The following SMIM13 variants were observed in gnomAD, a reference collection of about 807,000 sequenced individuals.
The protein encoded by SMIM13 is UPF0766 protein C6orf228.
A neutral mutation model predicts 5.9 loss-of-function variants in SMIM13; 3 were observed. That is an observed-to-expected ratio of 0.51 (90% confidence interval 0.23 to 1.31). The LOEUF (loss-of-function observed/expected upper bound fraction) is 1.31, where lower values mean the gene tolerates loss of function less well. SMIM13 is among the 40% of genes most tolerant of loss of function. The pLI is 0.18. For missense variants in SMIM13, 85 were observed against 109.9 expected (o/e 0.77, Z 1.01); for synonymous variants, 55 against 46.0 (o/e 1.19, Z -0.79).
chr6:11,134,298 AT>A, intron 1 of SMIM13, 104 bp from the exon 2 acceptor site: 1 of 703,958 alleles, frequency 1.4e-6, no homozygotes, highest in Non-Finnish European at 2.3e-6. Context: ...AATTATGTAT[AT>A]TTTTATATAG....
At chr6:11,110,656 T>C (rs1758153368) in intron 1 of SMIM13, among the ~76,000 whole-genome samples, 1 of 152,150 alleles carries the variant, frequency 6.6e-6, no homozygotes, top group South Asian at 2.1e-4. Flanking sequence ...GGTAGAACAA[T>C]CCCTCTGCTA....
At chr6:11,097,128 C>T (rs1757935946) in intron 1 of SMIM13, among the ~76,000 whole-genome samples, 1 of 152,186 alleles carries the variant, frequency 6.6e-6, no homozygotes, top group Admixed American at 6.5e-5. Flanking sequence ...ATGAGCCACC[C>T]ATGCCCAGCC....
chr6:11,124,072 G>A (rs898302965), intron 1 of SMIM13, among the ~76,000 whole-genome samples: 4 of 151,976 alleles, frequency 2.6e-5, no homozygotes, highest in Admixed American at 6.6e-5. Context: ...TAATCACCCT[G>A]ATGTGCTGTC....
intron 1 of SMIM13, chr6:11,102,747 T>C (rs1758013775): frequency 1.3e-5 from 2 of 152,192 alleles, no homozygotes; most frequent in South Asian, 4.1e-4. Context: ...ACCTAAATGG[T>C]GGAACTGTTA....
In SMIM13 at chr6:11,133,738, GTT is replaced by G. The variant is rs80159629; in HGVS notation, c.77-653_77-652del. Among the ~76,000 whole-genome samples, 755 of 138,824 alleles carry G rather than the reference GTT, an allele frequency of 5.4e-3. 1 individual carries two copies. Among genetic ancestry groups the G allele is most frequent in the South Asian group, 0.026 (114 of 4,350 alleles). The allele number at this position is 138,824 out of a possible 152,430, so 91.1% of individuals were successfully genotyped here. A position where few individuals can be genotyped will look rare whatever the true frequency, so the allele number is the denominator to read the frequency against. ...ACTACTCCTTGCAAAAACAAAACTT[GTT>G]TTTTTTTTTTTGTTAAAAGAGAATT... On this transcript the variant is annotated intron_variant, in intron 1 of 1. Coordinates refer to ENST00000416247, the MANE Select transcript of SMIM13 (RefSeq NM_001135575.2).
At chr6:11,108,736 G>A (rs1388475729) in intron 1 of SMIM13, among the ~76,000 whole-genome samples, 1 of 152,208 alleles carries the variant, frequency 6.6e-6, no homozygotes, top group African/African-American at 2.4e-5. Flanking sequence ...CTTTGCAGAT[G>A]TCAGGCATAG....
intron 1 of SMIM13, chr6:11,103,408 T>C: frequency 2.8e-6 from 1 of 352,802 alleles, no homozygotes; most frequent in Non-Finnish European, 5.1e-6. Context: ...GAGGGGGCCC[T>C]CCCCTGCCCT....
At chr6:11,130,450 A>G (rs982386902) in intron 1 of SMIM13, among the ~76,000 whole-genome samples, 1 of 152,040 alleles carries the variant, frequency 6.6e-6, no homozygotes, top group Non-Finnish European at 1.5e-5. Flanking sequence ...AAAAATGCAT[A>G]CTGTTCAAGC....
intron 1 of SMIM13, among the ~76,000 whole-genome samples, chr6:11,114,240 A>G (rs529034242): frequency 2.0e-5 from 3 of 152,184 alleles, no homozygotes; most frequent in Admixed American, 1.3e-4. Flanking sequence ...TCGCCCTCCC[A>G]AAGTGTTGGG....
At chr6:11,121,601 C>T (rs1046338381) in intron 1 of SMIM13, among the ~76,000 whole-genome samples, 12 of 152,194 alleles carry the variant, frequency 7.9e-5, no homozygotes, top group African/African-American at 2.4e-4. Context: ...ATACACACCC[C>T]TCTGCTGTTA....
intron 1 of SMIM13, among the ~76,000 whole-genome samples, chr6:11,131,502 T>C (rs6937493): frequency 0.78 from 117,771 of 151,774 alleles, 46,532 homozygotes; most frequent in African/African-American, 0.92. Context: ...CATTGATGTA[T>C]TCACATTTCC....
At chr6:11,115,927 T>C (rs1758232892) in intron 1 of SMIM13, among the ~76,000 whole-genome samples, 1 of 151,394 alleles carries the variant, frequency 6.6e-6, no homozygotes, top group South Asian at 2.1e-4. Flanking sequence ...CCTCAGGTGA[T>C]CCAACTGCTT....
chr6:11,109,557 C>G (rs1380130275), intron 1 of SMIM13, among the ~76,000 whole-genome samples: 1 of 152,124 alleles, frequency 6.6e-6, no homozygotes, highest in Non-Finnish European at 1.5e-5. Flanking sequence ...ACAAGCCCAA[C>G]AAAGGTCAGG....
At chr6:11,115,432 TC>T (rs1387910604) in intron 1 of SMIM13, among the ~76,000 whole-genome samples, 1 of 152,176 alleles carries the variant, frequency 6.6e-6, no homozygotes, top group East Asian at 1.9e-4. Context: ...GACTGAGGAC[TC>T]AAGGTGGCTC....
chr6:11,100,415 C>T (rs1757975860), intron 1 of SMIM13, among the ~76,000 whole-genome samples: 1 of 152,204 alleles, frequency 6.6e-6, no homozygotes, highest in South Asian at 2.1e-4. Context: ...CTCTTACACT[C>T]ATCAGTGGTA....
At chr6:11,098,732 C>G (rs756074315) in intron 1 of SMIM13, among the ~76,000 whole-genome samples, 22 of 152,318 alleles carry the variant, frequency 1.4e-4, no homozygotes, top group Non-Finnish European at 2.6e-4. Context: ...CATGCCGGGT[C>G]CATTCAACAT....
chr6:11,117,180 T>G (rs1004280871), intron 1 of SMIM13, among the ~76,000 whole-genome samples: 1 of 144,614 alleles, frequency 6.9e-6, no homozygotes, highest in African/African-American at 2.5e-5. Flanking sequence ...TTTTTTTTTT[T>G]TGAGACGGAG....
chr6:11,124,391 G>A (rs1758349884), intron 1 of SMIM13, among the ~76,000 whole-genome samples: 1 of 152,138 alleles, frequency 6.6e-6, no homozygotes, highest in Non-Finnish European at 1.5e-5. Flanking sequence ...AAATCCATTT[G>A]TCTGTTGATG....
intron 1 of SMIM13, among the ~76,000 whole-genome samples, chr6:11,107,765 T>A (rs1266777128): frequency 6.6e-6 from 1 of 152,222 alleles, no homozygotes; most frequent in Non-Finnish European, 1.5e-5. Context: ...GTATTTTTCA[T>A]TGCTCTTTTT....
Sources: allele counts gnomAD v4.1 joint callset (sites outside exome capture counted in the v4.1 genomes callset), GRCh38; gene constraint gnomAD v4.1.1; transcripts MANE v1.5; gene names NCBI Gene and HGNC (gene_info 2026-07-23, HGNC 2026-07-21).